NUP93: variants seen among roughly 807,000 people sequenced by gnomAD.
NUP93 encodes the protein nucleoporin 93.
In NUP93, 55 loss-of-function variants were observed where a neutral mutation model predicts 107.8. That is an observed-to-expected ratio of 0.51 (90% CI 0.41 to 0.64). NUP93 has a LOEUF of 0.64. Ranked by LOEUF, NUP93 falls within the 30% of genes least tolerant of loss-of-function variation. The pLI is 0.00. For synonymous variants in NUP93, 390 were observed against 397.5 expected (o/e 0.98, Z 0.22); for missense variants, 937 against 1,044.7 (o/e 0.90, Z 1.42).
chr16:56,771,705 C>G, intron 3 of NUP93, among the ~76,000 whole-genome samples: 1 of 152,096 alleles, frequency 6.6e-6, no homozygotes, highest in African/African-American at 2.4e-5. Flanking sequence ...TCATTTTTTC[C>G]ATCTGAGATA....
chr16:56,741,765 A>C (rs1044110864), intron 1 of NUP93: 9 of 152,224 alleles, frequency 5.9e-5, no homozygotes, highest in African/African-American at 9.6e-5. Flanking sequence ...CAGTGCTAAC[A>C]ACTGTCTTTT....
rs2144456649 is a variant in NUP93, at chr16:56,748,227, C to T, written c.-14-7C>T. 1.9e-6 allele frequency: 3 copies of T among 1,566,458 alleles called. No homozygotes were observed. The highest frequency in any genetic ancestry group is 2.6e-6 in the Non-Finnish European group (3 of 1,148,292). Reference sequence around the variant, plus strand: ...ATTTAGATCTTTTCATTTTTTCTCCCATCTAGGATCTGCATCTCCAATGGA... The same window carrying T: ...ATTTAGATCTTTTCATTTTTTCTCCTATCTAGGATCTGCATCTCCAATGGA... On this transcript the variant is annotated splice_region_variant and splice_polypyrimidine_tract_variant and intron_variant, in intron 1 of 21. Transcript: ENST00000308159.
intron 18 of NUP93, 40 bp downstream of exon 18, chr16:56,837,766 AC>A: frequency 1.1e-5 from 16 of 1,515,730 alleles, no homozygotes; most frequent in Non-Finnish European, 1.4e-5. Flanking sequence ...TGAGGGTGCC[AC>A]TGCCAGTGCC....
At chr16:56,741,004 G>GAGA (rs1555489842) in intron 1 of NUP93, 4 of 144,858 alleles carry the variant, frequency 2.8e-5, no homozygotes, top group African/African-American at 1.0e-4. Flanking sequence ...GGGAGACCGT[G>GAGA]GGGAGAGGGA....
intron 3 of NUP93, among the ~76,000 whole-genome samples, chr16:56,796,688 CA>C (rs1394284002): frequency 7.9e-5 from 12 of 152,102 alleles, no homozygotes; most frequent in African/African-American, 2.9e-4. Context: ...CTTTAAAAAG[CA>C]AAAACACAGC....
chr16:56,789,883 A>G (rs1409446765), intron 3 of NUP93, among the ~76,000 whole-genome samples: 1 of 152,122 alleles, frequency 6.6e-6, no homozygotes, highest in African/African-American at 2.4e-5. Context: ...TGGATCACCT[A>G]AGGTCAGGCG....
At chr16:56,781,765 C>G (rs750425951) in intron 3 of NUP93, 1 of 936,406 alleles carries the variant, frequency 1.1e-6, no homozygotes, top group African/African-American at 1.8e-5. Flanking sequence ...TGTCTCTCCC[C>G]CTCTTAAATC....
chr16:56,737,297 G>A (rs569696936), intron 1 of NUP93, among the ~76,000 whole-genome samples: 2 of 152,240 alleles, frequency 1.3e-5, no homozygotes, highest in Admixed American at 1.3e-4. Flanking sequence ...TGTATGTGTG[G>A]GGAGAGGTAG....
At chr16:56,762,017 G>T (rs919286448) in intron 3 of NUP93, among the ~76,000 whole-genome samples, 2 of 152,104 alleles carry the variant, frequency 1.3e-5, no homozygotes, top group African/African-American at 4.8e-5. Context: ...TTTGGAAATG[G>T]TCATAAAGAA....
At chr16:56,828,890 C>A in intron 8 of NUP93, 87 bp from the exon 9 acceptor site, 2 of 1,395,154 alleles carry the variant, frequency 1.4e-6, no homozygotes, top group Non-Finnish European at 2.0e-6. Context: ...CCCTTCCAAG[C>A]TACAGTGTAA....
chr16:56,821,445 G>A (rs1346258313), intron 6 of NUP93, 59 bp from the exon 7 acceptor site: 3 of 1,212,292 alleles, frequency 2.5e-6, no homozygotes, highest in African/African-American at 3.0e-5. Context: ...TGCTTCAGGA[G>A]GTTTAAAAAG....
intron 1 of NUP93, among the ~76,000 whole-genome samples, chr16:56,732,153 C>T (rs1437720822): frequency 1.3e-5 from 2 of 152,192 alleles, no homozygotes; most frequent in Admixed American, 6.5e-5. Context: ...CCCCATTTCC[C>T]GCCTCCCTTC....
At chr16:56,768,090 C>T (rs1281708819) in intron 3 of NUP93, among the ~76,000 whole-genome samples, 1 of 152,188 alleles carries the variant, frequency 6.6e-6, no homozygotes, top group Non-Finnish European at 1.5e-5. Flanking sequence ...ATCTCTAAAT[C>T]CTTATTGTCA....
chr16:56,834,116 C>A lies in NUP93; in HGVS notation c.1538-12C>A. ...AGTGTGGTTGTGACCCATTCTGACC[C>A]CCACAATGCAGTCAGCCACGAGCCT... On this transcript the variant is annotated splice_polypyrimidine_tract_variant and intron_variant, in intron 13 of 21. Transcript: ENST00000308159. The A allele has an allele frequency of 6.2e-7, 1 of 1,613,964 alleles. No individual in the cohort carries two copies. Among genetic ancestry groups the A allele is most frequent in the South Asian group, 1.1e-5 (1 of 91,078 alleles).
At chr16:56,828,520 TTA>T (rs1423895028) in intron 8 of NUP93, among the ~76,000 whole-genome samples, 12 of 152,276 alleles carry the variant, frequency 7.9e-5, no homozygotes, top group East Asian at 3.9e-4. Context: ...GAGAAAAATG[TTA>T]TGTGTATGTG....
At chr16:56,764,248 T>C (rs958680383) in intron 3 of NUP93, among the ~76,000 whole-genome samples, 1 of 152,222 alleles carries the variant, frequency 6.6e-6, no homozygotes, top group African/African-American at 2.4e-5. Context: ...CCCAGCACTT[T>C]GGGAGGCCGA....
At chr16:56,783,942 G>A (rs1962570162) in intron 3 of NUP93, 2 of 940,052 alleles carry the variant, frequency 2.1e-6, no homozygotes, top group Non-Finnish European at 1.3e-6. Context: ...ATGCAAAATA[G>A]ACTTTTAAAT....
intron 10 of NUP93, 120 bp downstream of exon 10, chr16:56,830,805 A>C: frequency 1.0e-6 from 1 of 970,154 alleles, no homozygotes; most frequent in Non-Finnish European, 1.4e-6. Context: ...TGGGGGAAAA[A>C]GGAAGTTTTG....
At chr16:56,748,130 T>G (rs1178876129) in intron 1 of NUP93, 104 bp from the exon 2 acceptor site, 1 of 742,486 alleles carries the variant, frequency 1.3e-6, no homozygotes, top group African/African-American at 1.7e-5. Flanking sequence ...CCTCGTCTGT[T>G]TACAAAAAGT....
Sources: allele counts gnomAD v4.1 joint callset (sites outside exome capture counted in the v4.1 genomes callset), GRCh38; gene constraint gnomAD v4.1.1; transcripts MANE v1.5; gene names NCBI Gene and HGNC (gene_info 2026-07-23, HGNC 2026-07-21).